ZNF471: variants seen among roughly 807,000 people sequenced by gnomAD.
The protein encoded by ZNF471 is EZFIT-related protein 1.
ZNF471 carries 7 observed loss-of-function variants against 13.7 expected under a neutral mutation model. That is an observed-to-expected ratio of 0.51 (90% CI 0.29 to 0.96). The LOEUF is 0.96. ZNF471 is among the 40% of genes least tolerant of loss of function. The pLI, the probability that ZNF471 is intolerant of heterozygous loss-of-function variation, is 0.08. For missense variants in ZNF471, 663 were observed against 743.3 expected, an observed-to-expected ratio of 0.89 and a Z score of 1.26; for synonymous variants, 218 against 235.6, an observed-to-expected ratio of 0.93 and a Z score of 0.68.
At position 56,516,486 on chromosome 19, in the gene ZNF471, G is replaced by C; in HGVS notation, c.160+85G>C. The C allele has an allele frequency of 7.9e-7, 1 of 1,266,554 alleles. No homozygotes were observed. Among genetic ancestry groups the C allele is most frequent in the Non-Finnish European group, 1.1e-6 (1 of 925,266 alleles). The allele number at this position is 1,266,554 out of a possible 1,614,324, so 78.5% of individuals were successfully genotyped here. On this transcript the variant is annotated intron_variant, in intron 3 of 4. Coordinates refer to ENST00000308031, the MANE Select transcript of ZNF471 (RefSeq NM_020813.4). This position sits in a 1 kb window ranked among gnomAD's most constrained non-coding sequence, Gnocchi z 4.4. ...ATTAAATTTGCTTTTATTATATGTAGGTCAGAATGGAATTTGGGAATGGAA... is the reference window on the plus strand; with the variant it reads ...ATTAAATTTGCTTTTATTATATGTACGTCAGAATGGAATTTGGGAATGGAA...
rs12611072 is a variant in ZNF471 at position 56,522,535 on chromosome 19, G to A, written c.257-1789G>A. On this transcript the variant is annotated intron_variant, in intron 4 of 4. Transcript: ENST00000308031. The surrounding 1 kb of genome is among the most constrained non-coding windows in gnomAD (Gnocchi z 4.1). ...AATGTATAATTGCTTAGGAAATATT[G>A]GATTAGTCGATGATTTGCTATGGAT... Among the ~76,000 whole-genome samples the A allele has an allele frequency of 4.7e-4, 71 of 152,172 alleles. No individual in the cohort carries two copies. The East Asian group carries it at 0.013, about 28-fold the overall frequency.
chr19:56,509,754 T>C (rs2147899981), intron 1 of ZNF471: 1 of 345,182 alleles, frequency 2.9e-6, no homozygotes, highest in South Asian at 1.2e-4. Context: ...TGTGTGTGTG[T>C]AGATCCCCAC....
In ZNF471 at chr19:56,524,049, C is replaced by T. The variant is rs185804493; in HGVS notation, c.257-275C>T. 1.3e-5 allele frequency among the ~76,000 whole-genome samples: 2 copies of T among 152,158 alleles called. No individual in the cohort carries two copies. The highest frequency in any genetic ancestry group is 2.9e-5 in the Non-Finnish European group (2 of 68,000). The stretch of plus-strand genomic sequence containing the variant: ...ATGTTGCCCAGGCTGGTCTTGAACT[C>T]CTGGGCTCAAGCAATCCACCTCAGC... On this transcript the variant is annotated intron_variant, in intron 4 of 4. Coordinates refer to ENST00000308031, the MANE Select transcript of ZNF471 (RefSeq NM_020813.4). The surrounding 1 kb of genome is among the most constrained non-coding windows in gnomAD (Gnocchi z 4.8).
At position 56,508,166 on chromosome 19, in the gene ZNF471, T is replaced by G. The variant is rs1471257700; in HGVS notation, c.-56+246T>G. On this transcript the variant is annotated intron_variant, in intron 1 of 4. Coordinates refer to ENST00000308031, the MANE Select transcript of ZNF471 (RefSeq NM_020813.4). The surrounding 1 kb of genome is among the most constrained non-coding windows in gnomAD (Gnocchi z 4.7). ...CCACTGGAGTGAGCTGTGGGAGAGA[T>G]GGGGGTGTGCCTGTGTGTAAAAGAT... 2 of 984,610 alleles carry G rather than the reference T, an allele frequency of 2.0e-6. No homozygotes were observed. The highest frequency in any genetic ancestry group is 3.5e-5 in the African/African-American group (2 of 56,956). The allele number at this position is 984,610 out of a possible 1,614,324, so 61.0% of individuals were successfully genotyped here.
chr19:56,513,927 A>G (rs1289840391), intron 2 of ZNF471, among the ~76,000 whole-genome samples: 2 of 152,076 alleles, frequency 1.3e-5, no homozygotes, highest in East Asian at 3.9e-4. Context: ...CTTATACCAC[A>G]CCAAGCTTCC....
At position 56,522,465 on chromosome 19, in the gene ZNF471, A is replaced by AG. The variant is rs2043986822; in HGVS notation, c.257-1858dup. ...CCTAAATTACTTTCTAAACTTTTCA[A>AG]GAACAATTCCTTCATTACTTTGATA... On this transcript the variant is annotated intron_variant, in intron 4 of 4. Transcript: ENST00000308031. This position sits in a 1 kb window ranked among gnomAD's most constrained non-coding sequence, Gnocchi z 4.1. Among the ~76,000 whole-genome samples, 1 of 152,204 alleles carries AG rather than the reference A, an allele frequency of 6.6e-6. No homozygotes were observed. Among genetic ancestry groups the AG allele is most frequent in the Non-Finnish European group, 1.5e-5 (1 of 68,046 alleles).
chr19:56,509,838 CTGAG>C (rs1396787312), intron 1 of ZNF471: 1 of 984,544 alleles, frequency 1.0e-6, no homozygotes, highest in Non-Finnish European at 1.2e-6. Flanking sequence ...TCTTTGTCAC[CTGAG>C]TGTGTTATCA....
At chr19:56,523,085 T>C (rs1054091027) in intron 4 of ZNF471, among the ~76,000 whole-genome samples, 18 of 152,256 alleles carry the variant, frequency 1.2e-4, no homozygotes, top group African/African-American at 3.9e-4. Flanking sequence ...TAAACTTATA[T>C]TCTAGGTCAG....
chr19:56,511,319 T>C (rs2043808055), intron 1 of ZNF471, among the ~76,000 whole-genome samples, 198 bp from the exon 2 acceptor site: 1 of 151,766 alleles, frequency 6.6e-6, no homozygotes, highest in Admixed American at 6.6e-5. Context: ...AGGTAGCTCT[T>C]TGAAAAAGAT....
At chr19:56,511,017 G>C (rs917737094) in intron 1 of ZNF471, 8 of 985,642 alleles carry the variant, frequency 8.1e-6, no homozygotes, top group Non-Finnish European at 8.4e-6. Context: ...CAGGGATGCA[G>C]TGGTGGGGAT....
rs2044052830 is a variant in ZNF471 at position 56,526,672 on chromosome 19, G to A, written c.*724G>A. 1 of 152,222 alleles carries A rather than the reference G, an allele frequency of 6.6e-6. No homozygotes were observed. 9.4% of individuals were successfully genotyped at this position (152,222 alleles called of 1,614,324 possible). A position where few individuals can be genotyped will look rare whatever the true frequency, so the allele number is the denominator to read the frequency against. On this transcript the variant is annotated 3_prime_UTR_variant, in exon 5 of 5. Transcript: ENST00000308031. The stretch of plus-strand genomic sequence containing the variant: ...GGATGATCAAGCTTGGTGGGGGGAG[G>A]GGCGCCAACCATTACCAAAGCTTGA...
At chr19:56,514,179 G>A (rs1313273085) in intron 2 of ZNF471, among the ~76,000 whole-genome samples, 2 of 149,594 alleles carry the variant, frequency 1.3e-5, no homozygotes, top group African/African-American at 2.5e-5. Context: ...CTCGTGCCTC[G>A]GCCACTCGAG....
rs1172875013 is a variant in ZNF471 at position 56,528,143 on chromosome 19, A to T, written c.*2195A>T. 6.6e-6 allele frequency: 1 copy of T among 152,208 alleles called. No individual in the cohort carries two copies. Among genetic ancestry groups the T allele is most frequent in the African/African-American group, 2.4e-5 (1 of 41,444 alleles). The allele number at this position is 152,208 out of a possible 1,614,324, so 9.4% of individuals were successfully genotyped here. A position where few individuals can be genotyped will look rare whatever the true frequency, so the allele number is the denominator to read the frequency against. On this transcript the variant is annotated 3_prime_UTR_variant, in exon 5 of 5. Coordinates refer to ENST00000308031, the MANE Select transcript of ZNF471 (RefSeq NM_020813.4). Reference sequence around the variant, plus strand: ...CTCACATTCAATGGGTTGCATACCCATGAATTCTAAAACTTCATCCTCTTT... The same window carrying T: ...CTCACATTCAATGGGTTGCATACCCTTGAATTCTAAAACTTCATCCTCTTT...
chr19:56,516,281 G>A lies in ZNF471; in HGVS notation c.40G>A (p.Val14Met), dbSNP rs760117084. ...EVVKVMPQDL[V>M]TFKDVAIDFS... ...AATATATTTGTCACTTCAGGACTTA[G>A]TGACATTCAAGGATGTGGCAATAGA... The change falls in exon 3 of 5, where the codon GTG becomes ATG. Residue 14 changes from valine to methionine, a missense_variant. Coordinates refer to ENST00000308031, the MANE Select transcript of ZNF471 (RefSeq NM_020813.4). The surrounding 1 kb of genome is among the most constrained non-coding windows in gnomAD (Gnocchi z 4.4). 1.9e-6 allele frequency: 3 copies of A among 1,613,448 alleles called. No homozygotes were observed. The highest frequency in any genetic ancestry group is 1.1e-5 in the South Asian group (1 of 91,068).
Position 56,526,917 on chromosome 19 carries a change from T to TA in ZNF471, c.*972dup, listed in dbSNP as rs961940026. The TA allele has an allele frequency of 1.0e-4, 16 of 152,588 alleles. No individual in the cohort carries two copies. The highest frequency in any genetic ancestry group is 8.5e-4 in the Admixed American group (13 of 15,298). The allele number at this position is 152,588 out of a possible 1,614,324, so 9.5% of individuals were successfully genotyped here. The stretch of plus-strand genomic sequence containing the variant: ...GCTGTGGGCACAGCTTCAGCAGACT[T>TA]AAACATTCCTGCCTGCCAGCTCTGA... On this transcript the variant is annotated 3_prime_UTR_variant, in exon 5 of 5. Coordinates refer to ENST00000308031, the MANE Select transcript of ZNF471 (RefSeq NM_020813.4).
chr19:56,523,337 G>A (rs193226010), intron 4 of ZNF471, among the ~76,000 whole-genome samples: 19 of 151,566 alleles, frequency 1.3e-4, no homozygotes, highest in Non-Finnish European at 1.8e-4. Context: ...ACTCCAGCCC[G>A]GACAACTGAG....
intron 4 of ZNF471, among the ~76,000 whole-genome samples, chr19:56,523,198 G>T (rs1035831797): frequency 6.6e-6 from 1 of 152,114 alleles, no homozygotes; most frequent in Non-Finnish European, 1.5e-5. Context: ...AGGGGAAATG[G>T]TAAAACCCTG....
At chr19:56,518,344 T>C in intron 3 of ZNF471, 138 bp from the exon 4 acceptor site, 1 of 658,066 alleles carries the variant, frequency 1.5e-6, no homozygotes, top group Non-Finnish European at 2.6e-6. Flanking sequence ...CAGAGTTTTA[T>C]GTAGTCTGTC....
intron 1 of ZNF471, chr19:56,509,758 TCC>T: frequency 2.8e-6 from 1 of 354,524 alleles, no homozygotes; most frequent in Non-Finnish European, 3.9e-6. Flanking sequence ...TGTGTGTAGA[TCC>T]CCACACATCT....
Sources: gnomAD v4.1 joint callset for allele counts (sites outside exome capture counted in the v4.1 genomes callset) on GRCh38, gnomAD v4.1.1 for gene constraint, Gnocchi (gnomAD v3.1) non-coding constraint, MANE v1.5 for transcripts, NCBI Gene and HGNC (gene_info 2026-07-23, HGNC 2026-07-21) for gene names.